Variants in TRANK1 observed in about 807,000 individuals in gnomAD.
TRANK1 encodes the protein tetratricopeptide repeat and ankyrin repeat containing 1, also known as TPR and ankyrin repeat-containing protein 1.
Under a neutral mutation model 266.0 loss-of-function variants are expected in TRANK1, and 198 were observed. That is an observed-to-expected ratio of 0.74 (90% CI 0.66 to 0.84). The LOEUF (loss-of-function observed/expected upper bound fraction) is 0.84, where lower values mean the gene tolerates loss of function less well. TRANK1 is among the 40% of genes least tolerant of loss of function. The pLI is 0.00. For synonymous variants in TRANK1, 1,396 were observed against 1,384.1 expected (o/e 1.01, Z -0.19); for missense variants, 3,326 against 3,634.6 (o/e 0.92, Z 2.18).
chr3:36,865,642 C>T (rs1284529790), intron 9 of TRANK1, among the ~76,000 whole-genome samples: 2 of 152,064 alleles, frequency 1.3e-5, no homozygotes, highest in Non-Finnish European at 1.5e-5. Flanking sequence ...GAGGCTGAAA[C>T]GGGTGGATTG....
chr3:36,898,846 TC>T (rs1230938757), intron 4 of TRANK1, among the ~76,000 whole-genome samples: 2 of 125,446 alleles, frequency 1.6e-5, no homozygotes, highest in Admixed American at 8.0e-5. Flanking sequence ...TAAGACTCTG[TC>T]TCAAAAAAAA....
In TRANK1 at chr3:36,892,326, AATGAAAACGT is replaced by A. The variant is rs1559457326; in HGVS notation, c.641_650del (p.Tyr214LeufsTer13). On this transcript the variant is annotated frameshift_variant, in exon 7 of 24. Coordinates refer to ENST00000645898, the MANE Select transcript of TRANK1 (RefSeq NM_001329998.2). LOFTEE classifies it high-confidence loss of function. Reference sequence around the variant, plus strand: ...CTTGTTCCATCTTCTCATAAAGTCCAATGAAAACGTATTTCTGGGGAAAAAAAACACACAG... The same window carrying A: ...CTTGTTCCATCTTCTCATAAAGTCCAATTTCTGGGGAAAAAAAACACACAG... 6.5e-7 allele frequency: 1 copy of A among 1,537,152 alleles called. No homozygotes were observed. Among genetic ancestry groups the A allele is most frequent in the South Asian group, 1.2e-5 (1 of 84,022 alleles).
chr3:36,944,714 C>T, intron 1 of TRANK1, 73 bp downstream of exon 1: 2 of 1,484,396 alleles, frequency 1.3e-6, no homozygotes, highest in Non-Finnish European at 1.8e-6. Flanking sequence ...CCGCGCGCGG[C>T]CGCCTCCCGC....
chr3:36,870,105 TTTC>T (rs764752773), intron 9 of TRANK1, among the ~76,000 whole-genome samples: 28 of 152,318 alleles, frequency 1.8e-4, no homozygotes, highest in South Asian at 6.2e-4. Flanking sequence ...TATTTAGGCT[TTTC>T]CACAAGTTCT....
At chr3:36,851,226 T>C (rs4441609) in intron 15 of TRANK1, 615,758 of 985,642 alleles carry the variant, frequency 0.62, 193,118 homozygotes, top group Admixed American at 0.67. Flanking sequence ...GAGGGGTCTC[T>C]CATGCAAGGA....
Position 36,874,193 on chromosome 3 carries a change from G to A in TRANK1, c.1011C>T (p.Asn337=). The A allele has an allele frequency of 6.5e-7, 1 of 1,537,394 alleles. No individual in the cohort carries two copies. Among genetic ancestry groups the A allele is most frequent in the South Asian group, 1.2e-5 (1 of 84,060 alleles). Residue 337 remains asparagine (N), a synonymous_variant, in exon 9 of 24, where the codon AAC becomes AAT. Coordinates refer to ENST00000645898, the MANE Select transcript of TRANK1 (RefSeq NM_001329998.2). The stretch of plus-strand genomic sequence containing the variant: ...TGTTGATTTTCTCGATGGCTTTGAA[G>A]TTCTTATTCCTCTTCAGGACATCCA... ...SVVDVLKRNK[N]FKAIEKINSH... is the part of the protein sequence containing the mutation.
At chr3:36,929,387 A>ACGCAC (rs1235819403) in intron 1 of TRANK1, 2 of 152,266 alleles carry the variant, frequency 1.3e-5, no homozygotes, top group African/African-American at 4.8e-5. Context: ...AAGTGCTGAG[A>ACGCAC]TTACAGGCGT....
intron 1 of TRANK1, among the ~76,000 whole-genome samples, 190 bp downstream of exon 1, chr3:36,944,597 C>A (rs1198282932): frequency 1.3e-5 from 2 of 152,274 alleles, no homozygotes; most frequent in East Asian, 3.9e-4. Flanking sequence ...AGCCGTCCCC[C>A]GCGACCGACC....
chr3:36,839,707 GTC>G lies in TRANK1; in HGVS notation c.5281-993_5281-992del, dbSNP rs141900538. ...GGACAGTTGGTTCTGGGAGCAGCTGGTCTCTCATCTGTGACACCTGCAACAGC... is the reference window on the plus strand; with the variant it reads ...GGACAGTTGGTTCTGGGAGCAGCTGGTCTCATCTGTGACACCTGCAACAGC... On this transcript the variant is annotated intron_variant, in intron 18 of 23. Transcript: ENST00000645898. 2.1e-3 allele frequency among the ~76,000 whole-genome samples: 327 copies of G among 152,298 alleles called. 2 individuals carry two copies. The highest frequency in any genetic ancestry group is 7.2e-3 in the African/African-American group (298 of 41,570).
At chr3:36,890,511 G>A (rs756006801) in intron 7 of TRANK1, among the ~76,000 whole-genome samples, 1 of 152,166 alleles carries the variant, frequency 6.6e-6, no homozygotes, top group Non-Finnish European at 1.5e-5. Context: ...AGTGGTTTCT[G>A]TTGACAAAGA....
chr3:36,857,987 A>G lies in TRANK1; in HGVS notation c.1735T>C (p.Phe579Leu), dbSNP rs775595951. The change falls in exon 13 of 24, where the codon TTC becomes CTC. Residue 579 changes from phenylalanine to leucine, a missense_variant. Physicochemically the swap from Phe to Leu is conservative, Grantham distance 22 (BLOSUM62 0). Transcript: ENST00000645898. This position sits in a 1 kb window ranked among gnomAD's most constrained non-coding sequence, Gnocchi z 4.3. ...TGGACATTGGGGTTGAGGTAGTCGA[A>G]TTCAGTGGGGTTGGACCAAAACAGA... ...LDLFWSNPTE[F>L]DYLNPNVQDS... 4 of 1,598,738 alleles carry G rather than the reference A, an allele frequency of 2.5e-6. No individual in the cohort carries two copies. In the East Asian group the frequency reaches 8.9e-5, roughly 36 times the overall value.
chr3:36,842,312 G>A (rs1244307241), intron 18 of TRANK1, among the ~76,000 whole-genome samples: 3 of 152,232 alleles, frequency 2.0e-5, no homozygotes, highest in Non-Finnish European at 4.4e-5. Flanking sequence ...AAGCTTTTAG[G>A]CATAGAGTAC....
intron 1 of TRANK1, among the ~76,000 whole-genome samples, chr3:36,909,900 G>A (rs2080027477): frequency 6.6e-6 from 1 of 152,140 alleles, no homozygotes; most frequent in Admixed American, 6.5e-5. Flanking sequence ...AGATGACTAA[G>A]AAGAACATGA....
intron 8 of TRANK1, among the ~76,000 whole-genome samples, chr3:36,879,413 G>GA (rs1010125629): frequency 5.3e-5 from 8 of 149,568 alleles, no homozygotes; most frequent in Admixed American, 3.4e-4. Context: ...TTCTACTGAT[G>GA]AAAAAAAACA....
chr3:36,846,199 G>C, intron 17 of TRANK1, 49 bp downstream of exon 17: 1 of 1,501,032 alleles, frequency 6.7e-7, no homozygotes, highest in Non-Finnish European at 9.0e-7. Flanking sequence ...GAACAGTTGA[G>C]AGAAACACGA....
intron 10 of TRANK1, among the ~76,000 whole-genome samples, chr3:36,861,400 G>T (rs2079140187): frequency 1.3e-5 from 2 of 152,158 alleles, no homozygotes; most frequent in Non-Finnish European, 2.9e-5. Context: ...GAAGAATGAT[G>T]ACTGTGTCTT....
rs1288306111 is a variant in TRANK1, at chr3:36,874,210, G to A, written c.994C>T (p.Leu332=). The A allele has an allele frequency of 1.3e-6, 2 of 1,537,128 alleles. No homozygotes were observed. Among genetic ancestry groups the A allele is most frequent in the Non-Finnish European group, 1.7e-6 (2 of 1,146,910 alleles). The change falls in exon 9 of 24, where the codon CTG becomes TTG. Residue 332 remains leucine (L), a synonymous_variant. Transcript: ENST00000645898. The stretch of plus-strand genomic sequence containing the variant: ...GCTTTGAAGTTCTTATTCCTCTTCA[G>A]GACATCCACAACAGACCGAGACTGT... ...DRQSRSVVDV[L]KRNKNFKAIE...
Position 36,856,173 on chromosome 3 carries a change from A to G in TRANK1, c.3549T>C (p.His1183=). 1 of 1,613,750 alleles carries G rather than the reference A, an allele frequency of 6.2e-7. No individual in the cohort carries two copies. Among genetic ancestry groups the G allele is most frequent in the Non-Finnish European group, 8.5e-7 (1 of 1,179,854 alleles). ...GATGTAAATGCTCCAGCTGGTGGGG[A>G]TGTTCTGGTGCACATACTTCTGCAG... ...GQAAEVCAPE[H]PHQLEHLHQI... Residue 1183 remains histidine, a synonymous_variant, in exon 13 of 24, where the codon CAT becomes CAC. Coordinates refer to ENST00000645898, the MANE Select transcript of TRANK1 (RefSeq NM_001329998.2).
At chr3:36,862,390 T>C (rs1242254616) in intron 10 of TRANK1, among the ~76,000 whole-genome samples, 1 of 152,162 alleles carries the variant, frequency 6.6e-6, no homozygotes, top group East Asian at 1.9e-4. Context: ...CATTTTAAAA[T>C]AAGAAGAAAT....
Sources: allele counts gnomAD v4.1 joint callset (sites outside exome capture counted in the v4.1 genomes callset), GRCh38; gene constraint gnomAD v4.1.1; non-coding constraint Gnocchi (gnomAD v3.1); transcripts MANE v1.5; gene names NCBI Gene and HGNC (gene_info 2026-07-23, HGNC 2026-07-21).